Variants in PTCD2 observed in about 807,000 individuals in gnomAD.
The protein encoded by PTCD2 is pentatricopeptide repeat-containing protein 2, mitochondrial.
PTCD2 carries 31 observed loss-of-function variants against 42.6 expected under a neutral mutation model. The observed-to-expected ratio is 0.73, with a 90% CI of 0.55 to 0.98. The LOEUF (loss-of-function observed/expected upper bound fraction) is 0.98. Ranked by LOEUF, PTCD2 falls within the 50% of genes least tolerant of loss-of-function variation. PTCD2 has a pLI of 0.00. For missense variants in PTCD2, 476 were observed against 454.8 expected, an observed-to-expected ratio of 1.05 and a Z score of -0.42; for synonymous variants, 183 against 170.9, an observed-to-expected ratio of 1.07 and a Z score of -0.55.
In PTCD2 at chr5:72,363,761, A is replaced by C. The variant is rs2112257231; in HGVS notation, c.*5334A>C. ...CAAGAGTTCCAAGGCATTAGGTTAA[A>C]GACATTGAAAAATATATCCATTTAT... is the stretch of plus-strand genomic sequence containing the variant. On this transcript the variant is annotated 3_prime_UTR_variant, in exon 10 of 10. Coordinates refer to ENST00000380639, the MANE Select transcript of PTCD2 (RefSeq NM_024754.5). 1 of 152,358 alleles carries C rather than the reference A, an allele frequency of 6.6e-6. No individual in the cohort carries two copies. Among genetic ancestry groups the C allele is most frequent in the African/African-American group, 2.4e-5 (1 of 41,594 alleles). The allele number at this position is 152,358 out of a possible 1,614,324, so 9.4% of individuals were successfully genotyped here. A position where few individuals can be genotyped will look rare whatever the true frequency, so the allele number is the denominator to read the frequency against.
In PTCD2 at chr5:72,344,405, C is replaced by T. The variant is rs370024906; in HGVS notation, c.828+1369C>T. ...CACTTGCCTGTAGGTCCCAGCTACT[C>T]GGGAGGCTGAGGCAGGGGAATTGCT... On this transcript the variant is annotated intron_variant, in intron 8 of 9. Coordinates refer to ENST00000380639, the MANE Select transcript of PTCD2 (RefSeq NM_024754.5). Among the ~76,000 whole-genome samples, 15 of 152,088 alleles carry T rather than the reference C, an allele frequency of 9.9e-5. No individual in the cohort carries two copies. In the South Asian group the frequency reaches 1.7e-3, roughly 17 times the overall value.
At chr5:72,328,619 A>G (rs1168187697) in intron 3 of PTCD2, among the ~76,000 whole-genome samples, 1 of 140,198 alleles carries the variant, frequency 7.1e-6, no homozygotes, top group Admixed American at 7.1e-5. Context: ...ATATTTTTGC[A>G]TTTTTTTTTT....
chr5:72,337,389 A>G (rs1751807917), intron 6 of PTCD2, among the ~76,000 whole-genome samples: 1 of 152,090 alleles, frequency 6.6e-6, no homozygotes, highest in Non-Finnish European at 1.5e-5. Flanking sequence ...AGGCCAAAAA[A>G]AAAACACCAC....
chr5:72,347,172 TCTGA>T (rs1310721141), intron 8 of PTCD2, among the ~76,000 whole-genome samples: 1 of 152,114 alleles, frequency 6.6e-6, no homozygotes, highest in Non-Finnish European at 1.5e-5. Flanking sequence ...AACAACTCTG[TCTGA>T]CTGCGAAGCC....
intron 6 of PTCD2, 133 bp downstream of exon 6, chr5:72,336,018 T>A: frequency 1.7e-6 from 1 of 601,056 alleles, no homozygotes; most frequent in Non-Finnish European, 2.9e-6. Flanking sequence ...TAATTTTAAA[T>A]GTTTTTATTT....
At chr5:72,334,359 T>A (rs1751612216) in intron 4 of PTCD2, among the ~76,000 whole-genome samples, 2 of 152,174 alleles carry the variant, frequency 1.3e-5, no homozygotes, top group South Asian at 4.1e-4. Context: ...TAGCTGCCAT[T>A]TCATGTTAAT....
intron 7 of PTCD2, among the ~76,000 whole-genome samples, chr5:72,341,516 TGAGGCCAG>T (rs1049670984): frequency 1.3e-5 from 2 of 151,680 alleles, no homozygotes; most frequent in Non-Finnish European, 2.9e-5. Context: ...GAGGATCACT[TGAGGCCAG>T]GAGTTTGAGA....
At chr5:72,326,407 C>T (rs151054747) in intron 2 of PTCD2, among the ~76,000 whole-genome samples, 24 of 152,268 alleles carry the variant, frequency 1.6e-4, no homozygotes, top group African/African-American at 5.1e-4. Flanking sequence ...GGCCCTGTGC[C>T]CATGTCCCTG....
At chr5:72,320,693 TG>T (rs1286331415) in intron 1 of PTCD2, 184 bp downstream of exon 1, 1 of 716,210 alleles carries the variant, frequency 1.4e-6, no homozygotes, top group East Asian at 2.7e-5. Context: ...ATACCCCCAG[TG>T]CCTGCAAATC....
At chr5:72,354,382 G>GAAAAA (rs35170727) in intron 9 of PTCD2, among the ~76,000 whole-genome samples, 2 of 29,814 alleles carry the variant, frequency 6.7e-5, no homozygotes, top group African/African-American at 1.5e-4. Flanking sequence ...GACTCCATCT[G>GAAAAA]AAAAAAAAAA....
chr5:72,331,077 G>T (rs1412218192), intron 3 of PTCD2, among the ~76,000 whole-genome samples, 181 bp from the exon 4 acceptor site: 3 of 152,142 alleles, frequency 2.0e-5, no homozygotes, highest in African/African-American at 7.2e-5. Context: ...TTAAATGATT[G>T]GTGTACTTCT....
At chr5:72,325,092 T>G (rs981118320) in intron 2 of PTCD2, among the ~76,000 whole-genome samples, 5 of 152,108 alleles carry the variant, frequency 3.3e-5, no homozygotes, top group South Asian at 4.1e-4. Flanking sequence ...CTGGCTACTT[T>G]TTGTATTTTT....
rs747733642 is a variant in PTCD2 at position 72,329,393 on chromosome 5, C to T, written c.351-1865C>T. On this transcript the variant is annotated intron_variant, in intron 3 of 9. Coordinates refer to ENST00000380639, the MANE Select transcript of PTCD2 (RefSeq NM_024754.5). ...AAAATGGGGAGCATCTTAATACCCT[C>T]GTTATGTTGACCAAATGCTGTTTGG... Among the ~76,000 whole-genome samples, 12 of 152,310 alleles carry T rather than the reference C, an allele frequency of 7.9e-5. No individual in the cohort carries two copies. In the East Asian group the frequency reaches 2.1e-3, roughly 27 times the overall value.
intron 3 of PTCD2, among the ~76,000 whole-genome samples, chr5:72,329,348 A>G (rs946850739): frequency 2.6e-5 from 4 of 152,230 alleles, no homozygotes; most frequent in African/African-American, 9.6e-5. Flanking sequence ...GAGCTGAAAC[A>G]TAAGCTTTTT....
intron 7 of PTCD2, among the ~76,000 whole-genome samples, 164 bp from the exon 8 acceptor site, chr5:72,342,798 G>T (rs528837027): frequency 2.0e-5 from 3 of 152,306 alleles, no homozygotes; most frequent in South Asian, 4.2e-4. Flanking sequence ...ACTGGATGGA[G>T]AATTTTATGG....
At chr5:72,325,994 C>T (rs1751114106) in intron 2 of PTCD2, among the ~76,000 whole-genome samples, 1 of 152,176 alleles carries the variant, frequency 6.6e-6, no homozygotes. Flanking sequence ...CTGTTTGCTG[C>T]TGTTTGGAGG....
At chr5:72,324,954 G>A (rs1329338144) in intron 2 of PTCD2, among the ~76,000 whole-genome samples, 1 of 149,752 alleles carries the variant, frequency 6.7e-6, no homozygotes, top group Admixed American at 6.7e-5. Context: ...ACAGAGTCTT[G>A]CTCTGTCACC....
intron 4 of PTCD2, among the ~76,000 whole-genome samples, chr5:72,334,123 C>T (rs773134511): frequency 6.6e-6 from 1 of 152,182 alleles, no homozygotes; most frequent in African/African-American, 2.4e-5. Flanking sequence ...GCCTCTCCCT[C>T]CCAAAGTACT....
intron 9 of PTCD2, among the ~76,000 whole-genome samples, chr5:72,357,169 A>G (rs1339629583): frequency 6.6e-6 from 1 of 152,164 alleles, no homozygotes; most frequent in Non-Finnish European, 1.5e-5. Context: ...GATGGTTCAC[A>G]GCCGTCTCAA....
Sources: gnomAD v4.1 joint callset for allele counts (sites outside exome capture counted in the v4.1 genomes callset) on GRCh38, gnomAD v4.1.1 for gene constraint, MANE v1.5 for transcripts, NCBI Gene and HGNC (gene_info 2026-07-23, HGNC 2026-07-21) for gene names.